Variants in GALNT13 observed in about 807,000 individuals in gnomAD.
The protein encoded by GALNT13 is UDP-GalNAc:polypeptide N-acetylgalactosaminyltransferase 13.
GALNT13 carries 28 observed loss-of-function variants against 64.2 expected under a neutral mutation model. The observed-to-expected ratio is 0.44, with a 90% CI of 0.32 to 0.60. GALNT13 has a LOEUF of 0.60. Among genes scored for constraint, GALNT13 ranks in the 20% least tolerant of loss-of-function variants. The pLI is 0.05. For synonymous variants in GALNT13, 214 were observed against 224.6 expected (o/e 0.95, Z 0.42); for missense variants, 577 against 669.8 (o/e 0.86, Z 1.53).
the GALNT13 span, among the ~76,000 whole-genome samples, chr2:153,097,652 C>G: frequency 6.6e-6 from 1 of 152,090 alleles, no homozygotes; most frequent in African/African-American, 2.4e-5. Context: ...GAAGTAAAAT[C>G]CTTTTATTCA....
intron 11 of GALNT13, 71 bp from the exon 12 acceptor site, chr2:154,438,521 C>G (rs1043220858): frequency 2.6e-5 from 30 of 1,166,912 alleles, no homozygotes; most frequent in Non-Finnish European, 3.5e-5. Flanking sequence ...GAAAGCTTCC[C>G]TGGATAGATC....
At chr2:153,819,645 G>A in the GALNT13 span, among the ~76,000 whole-genome samples, 1,083 of 152,274 alleles carry the variant, frequency 7.1e-3, 8 homozygotes, top group Non-Finnish European at 0.012. Flanking sequence ...CAGTAAAAAA[G>A]GATCAGATAC....
chr2:153,959,072 T>C (rs577846087), intron 3 of GALNT13, among the ~76,000 whole-genome samples: 2 of 152,298 alleles, frequency 1.3e-5, no homozygotes, highest in South Asian at 4.1e-4. Flanking sequence ...AAAATAATAC[T>C]TCTAACTCTA....
the GALNT13 span, among the ~76,000 whole-genome samples, chr2:153,271,904 G>C: frequency 3.3e-5 from 5 of 152,190 alleles, no homozygotes; most frequent in East Asian, 7.7e-4. Context: ...GAATGGTACT[G>C]TTACCAAAAC....
At chr2:154,305,060 T>C (rs1189601866) in intron 9 of GALNT13, among the ~76,000 whole-genome samples, 1 of 152,100 alleles carries the variant, frequency 6.6e-6, no homozygotes, top group Non-Finnish European at 1.5e-5. Flanking sequence ...TCTAAAACAA[T>C]TTGAGCCCTG....
the GALNT13 span, among the ~76,000 whole-genome samples, chr2:153,345,867 C>G: frequency 6.6e-6 from 1 of 151,636 alleles, no homozygotes; most frequent in Non-Finnish European, 1.5e-5. Flanking sequence ...ACAATCACAG[C>G]TCACTGCAGT....
the GALNT13 span, chr2:153,420,889 A>T: frequency 1.7e-5 from 4 of 231,514 alleles, no homozygotes; most frequent in Non-Finnish European, 2.8e-5. Context: ...CTCAGCATGC[A>T]CGCAGCTCTC....
At chr2:153,865,404 C>G in the GALNT13 span, among the ~76,000 whole-genome samples, 1 of 143,182 alleles carries the variant, frequency 7.0e-6, no homozygotes. Flanking sequence ...TTTTCGCAGC[C>G]TACTCATCTG....
chr2:153,261,296 A>T, the GALNT13 span, among the ~76,000 whole-genome samples: 12 of 152,126 alleles, frequency 7.9e-5, no homozygotes, highest in African/African-American at 2.7e-4. Context: ...TTAAAGAATT[A>T]GGTATTTATT....
At chr2:153,610,224 C>T in the GALNT13 span, among the ~76,000 whole-genome samples, 14 of 152,058 alleles carry the variant, frequency 9.2e-5, no homozygotes, top group Non-Finnish European at 1.8e-4. Flanking sequence ...AAACAACAAA[C>T]TATCATATTG....
At chr2:154,067,168 A>C (rs573421308) in intron 3 of GALNT13, among the ~76,000 whole-genome samples, 2 of 152,122 alleles carry the variant, frequency 1.3e-5, no homozygotes, top group Admixed American at 6.6e-5. Context: ...ATAAAAAGAA[A>C]GAAATTAAAC....
At chr2:153,716,691 T>A in the GALNT13 span, among the ~76,000 whole-genome samples, 3 of 152,322 alleles carry the variant, frequency 2.0e-5, no homozygotes, top group East Asian at 5.8e-4. Context: ...AATGGTTCAC[T>A]AATAATTTAC....
chr2:153,848,564 A>G, the GALNT13 span, among the ~76,000 whole-genome samples: 1 of 152,220 alleles, frequency 6.6e-6, no homozygotes, highest in Non-Finnish European at 1.5e-5. Context: ...CTTTGAAAAT[A>G]TTAATTACTG....
At chr2:153,077,355 A>G in the GALNT13 span, among the ~76,000 whole-genome samples, 1 of 152,168 alleles carries the variant, frequency 6.6e-6, no homozygotes, top group African/African-American at 2.4e-5. Flanking sequence ...CTGAGTCACA[A>G]TAAAATTTTA....
intron 4 of GALNT13, among the ~76,000 whole-genome samples, chr2:154,209,644 C>G (rs1340304150): frequency 6.6e-6 from 1 of 152,092 alleles, no homozygotes; most frequent in Non-Finnish European, 1.5e-5. Flanking sequence ...TAGAAAACAT[C>G]CAGACTTTTA....
chr2:153,425,223 A>T, the GALNT13 span, among the ~76,000 whole-genome samples: 3 of 151,748 alleles, frequency 2.0e-5, no homozygotes, highest in African/African-American at 7.2e-5. Flanking sequence ...CTTTTTGAAA[A>T]AATAGAGAAA....
At chr2:154,032,864 C>CTTTTTTTTTTTTTTTTTTTTTTT (rs70981694) in intron 3 of GALNT13, among the ~76,000 whole-genome samples, 2 of 110,110 alleles carry the variant, frequency 1.8e-5, no homozygotes, top group Non-Finnish European at 3.6e-5. Flanking sequence ...CCTACATTTC[C>CTTTTTTTTTTTTTTTTTTTTTTT]TTTTTTTTTT....
intron 11 of GALNT13, among the ~76,000 whole-genome samples, chr2:154,416,060 C>T (rs948974175): frequency 2.6e-5 from 4 of 152,170 alleles, no homozygotes; most frequent in African/African-American, 7.2e-5. Flanking sequence ...GGAATTATTA[C>T]AAGAGCCTTT....
chr2:153,300,440 ACTGT>A, the GALNT13 span, among the ~76,000 whole-genome samples: 13 of 152,194 alleles, frequency 8.5e-5, 1 homozygote. Flanking sequence ...TTGTGACAAG[ACTGT>A]CTGAAGCATC....
Sources: gnomAD v4.1 joint callset for allele counts (sites outside exome capture counted in the v4.1 genomes callset) on GRCh38, gnomAD v4.1.1 for gene constraint, MANE v1.5 for transcripts, NCBI Gene and HGNC (gene_info 2026-07-23, HGNC 2026-07-21) for gene names.